Variants in NTM observed in about 807,000 individuals in gnomAD.
NTM encodes the protein IgLON family member 2.
In NTM, 13 loss-of-function variants were observed where a neutral mutation model predicts 42.1. The ratio of observed to expected loss-of-function variants is 0.31; its 90% CI spans 0.20 to 0.49. The LOEUF is 0.49. Ranked by LOEUF, NTM falls within the 20% of genes least tolerant of loss-of-function variation. NTM has a pLI of 0.99. For synonymous variants in NTM, 187 were observed against 179.2 expected, an observed-to-expected ratio of 1.04 and a Z score of -0.35; for missense variants, 373 against 452.8, an observed-to-expected ratio of 0.82 and a Z score of 1.60.
At chr11:131,676,881 C>T (rs957962069) in intron 1 of NTM, among the ~76,000 whole-genome samples, 13 of 152,228 alleles carry the variant, frequency 8.5e-5, no homozygotes, top group Non-Finnish European at 1.6e-4. Flanking sequence ...GAATAATGTC[C>T]GTTATTACAG....
intron 1 of NTM, among the ~76,000 whole-genome samples, chr11:131,558,588 C>T (rs944834027): frequency 1.3e-5 from 2 of 152,178 alleles, no homozygotes; most frequent in African/African-American, 4.8e-5. Flanking sequence ...TATATTAAAA[C>T]AGCTCCAAGG....
intron 7 of NTM, among the ~76,000 whole-genome samples, chr11:132,327,545 C>G (rs1471601004): frequency 6.6e-6 from 1 of 152,138 alleles, no homozygotes; most frequent in Non-Finnish European, 1.5e-5. Context: ...AGAAAATTCC[C>G]TCACCCTCTT....
intron 1 of NTM, among the ~76,000 whole-genome samples, chr11:131,439,154 G>C (rs1451084759): frequency 4.6e-5 from 7 of 152,280 alleles, no homozygotes; most frequent in African/African-American, 1.7e-4. Context: ...AGCGAATATT[G>C]CTTCCTGATC....
chr11:131,741,568 A>T (rs1037907581), intron 1 of NTM, among the ~76,000 whole-genome samples: 3 of 152,236 alleles, frequency 2.0e-5, no homozygotes, highest in African/African-American at 7.2e-5. Context: ...ACATCTTCAA[A>T]CTACTTTAAT....
At chr11:132,170,528 TAA>T (rs35087488) in intron 3 of NTM, among the ~76,000 whole-genome samples, 2 of 152,182 alleles carry the variant, frequency 1.3e-5, no homozygotes, top group Admixed American at 6.5e-5. Flanking sequence ...TTTGTAATGA[TAA>T]AAAAAGTCCT....
chr11:132,203,591 T>C (rs1386545325), intron 3 of NTM, among the ~76,000 whole-genome samples: 1 of 152,184 alleles, frequency 6.6e-6, no homozygotes, highest in Non-Finnish European at 1.5e-5. Context: ...TTCTAACCCA[T>C]ATTATTTCCA....
At chr11:131,547,437 G>A (rs1034143149) in intron 1 of NTM, among the ~76,000 whole-genome samples, 4 of 152,218 alleles carry the variant, frequency 2.6e-5, no homozygotes, top group Non-Finnish European at 4.4e-5. Flanking sequence ...CACGGGAAGA[G>A]ACTTTGAGGT....
At chr11:132,220,642 T>C (rs1436063939) in intron 4 of NTM, among the ~76,000 whole-genome samples, 3 of 152,158 alleles carry the variant, frequency 2.0e-5, no homozygotes, top group Non-Finnish European at 4.4e-5. Flanking sequence ...TTTAAAACCC[T>C]TGGAAAATAT....
chr11:131,460,631 C>T (rs1951292332), intron 1 of NTM, among the ~76,000 whole-genome samples: 1 of 152,158 alleles, frequency 6.6e-6, no homozygotes, highest in Non-Finnish European at 1.5e-5. Context: ...CAGCTCACTG[C>T]AACCTCTGCC....
In NTM at chr11:132,011,008, G is replaced by A. The variant is rs116839348; in HGVS notation, c.167+99360G>A. On this transcript the variant is annotated intron_variant, in intron 2 of 8. Transcript: ENST00000683400. ...GACCTGATATTTACATGTCGATCTC[G>A]TATGGGCATTATCACAATGTATGCT... Among the ~76,000 whole-genome samples the A allele has an allele frequency of 4.7e-3, 715 of 151,232 alleles. 9 individuals carry two copies. The highest frequency in any genetic ancestry group is 0.017 in the African/African-American group (680 of 41,026).
chr11:131,721,482 A>C (rs1015021666), intron 1 of NTM, among the ~76,000 whole-genome samples: 1 of 152,132 alleles, frequency 6.6e-6, no homozygotes, highest in East Asian at 1.9e-4. Context: ...GATTAAGCAC[A>C]GTGGCTGACA....
At chr11:131,872,379 G>A (rs1344252968) in intron 1 of NTM, among the ~76,000 whole-genome samples, 1 of 152,204 alleles carries the variant, frequency 6.6e-6, no homozygotes, top group African/African-American at 2.4e-5. Flanking sequence ...CGATTTCTCA[G>A]TGTCCTTCGT....
chr11:131,421,561 T>C (rs1030256774), intron 1 of NTM, among the ~76,000 whole-genome samples: 1 of 152,328 alleles, frequency 6.6e-6, no homozygotes, highest in East Asian at 1.9e-4. Context: ...AGGAAGCTAC[T>C]GCATATGCAG....
intron 4 of NTM, among the ~76,000 whole-genome samples, chr11:132,290,992 A>C (rs561875039): frequency 2.0e-4 from 31 of 152,322 alleles, no homozygotes; most frequent in African/African-American, 7.2e-4. Flanking sequence ...AATGTGAGGA[A>C]GAAATGATAA....
chr11:131,790,592 T>C lies in NTM; in HGVS notation c.83-120972T>C, dbSNP rs543130511. Among the ~76,000 whole-genome samples, 12 of 152,288 alleles carry C rather than the reference T, an allele frequency of 7.9e-5. No individual in the cohort carries two copies. The South Asian group carries it at 2.5e-3, about 32-fold the overall frequency. ...CTGGTCATTTGAGAGAGTCAGGCCATTCAAAGTAGGCAAATGTTGCAATGT... is the reference window on the plus strand; with the variant it reads ...CTGGTCATTTGAGAGAGTCAGGCCACTCAAAGTAGGCAAATGTTGCAATGT... On this transcript the variant is annotated intron_variant, in intron 1 of 8. Transcript: ENST00000683400.
chr11:131,569,617 G>A lies in NTM; in HGVS notation c.82+198729G>A, dbSNP rs1317488166. ...CTTTGATACAGGGTTTTACTCTGTT[G>A]CCCAGGCTGGACTACAGTAGGGTGA... On this transcript the variant is annotated intron_variant, in intron 1 of 8. Coordinates refer to ENST00000683400, the MANE Select transcript of NTM (RefSeq NM_001352005.2). Among the ~76,000 whole-genome samples, 3 of 105,824 alleles carry A rather than the reference G, an allele frequency of 2.8e-5. No individual in the cohort carries two copies. In the South Asian group the frequency reaches 8.8e-4, roughly 31 times the overall value. The allele number at this position is 105,824 out of a possible 152,430, so 69.4% of individuals were successfully genotyped here. A position where few individuals can be genotyped will look rare whatever the true frequency, so the allele number is the denominator to read the frequency against.
intron 1 of NTM, among the ~76,000 whole-genome samples, chr11:131,497,744 C>A (rs1366888907): frequency 6.6e-6 from 1 of 152,114 alleles, no homozygotes; most frequent in Admixed American, 6.5e-5. Context: ...CTTCCCTGTT[C>A]TTTGTTCTTC....
At chr11:132,091,466 CA>C (rs2060367060) in intron 2 of NTM, among the ~76,000 whole-genome samples, 1 of 151,824 alleles carries the variant, frequency 6.6e-6, no homozygotes, top group Non-Finnish European at 1.5e-5. Context: ...CTATATTTCT[CA>C]ATTTTAACAC....
chr11:131,487,213 C>G (rs1230692059), intron 1 of NTM, among the ~76,000 whole-genome samples: 4 of 152,170 alleles, frequency 2.6e-5, no homozygotes, highest in African/African-American at 9.7e-5. Flanking sequence ...ATATGTTTAT[C>G]TTAAACTCTT....
Sources: allele counts gnomAD v4.1 joint callset (sites outside exome capture counted in the v4.1 genomes callset), GRCh38; gene constraint gnomAD v4.1.1; transcripts MANE v1.5; gene names NCBI Gene and HGNC (gene_info 2026-07-23, HGNC 2026-07-21).